WDR70: variants seen among roughly 807,000 people sequenced by gnomAD.
WDR70 encodes the protein WD repeat-containing protein 70.
In WDR70, 53 loss-of-function variants were observed where a neutral mutation model predicts 88.6. The observed-to-expected ratio is 0.60, with a 90% CI of 0.48 to 0.75. The LOEUF is 0.75. Among genes scored for constraint, WDR70 ranks in the 30% least tolerant of loss-of-function variants. The pLI is 0.00. For synonymous variants in WDR70, 280 were observed against 270.0 expected, an observed-to-expected ratio of 1.04 and a Z score of -0.36; for missense variants, 610 against 823.2, an observed-to-expected ratio of 0.74 and a Z score of 3.17.
chr5:37,619,264 C>T (rs1744436344), intron 10 of WDR70, among the ~76,000 whole-genome samples: 1 of 146,374 alleles, frequency 6.8e-6, no homozygotes, highest in Non-Finnish European at 1.5e-5. Flanking sequence ...GGAGTAAATG[C>T]TCCCTAATTC....
At chr5:37,745,619 A>G (rs951332853) in intron 17 of WDR70, among the ~76,000 whole-genome samples, 2 of 151,616 alleles carry the variant, frequency 1.3e-5, no homozygotes, top group Non-Finnish European at 2.9e-5. Flanking sequence ...AAAAAATGGG[A>G]GTTGCAATTC....
intron 5 of WDR70, among the ~76,000 whole-genome samples, chr5:37,420,661 C>A (rs1323093253): frequency 6.6e-6 from 1 of 152,100 alleles, no homozygotes; most frequent in African/African-American, 2.4e-5. Flanking sequence ...GAACTCATGG[C>A]TTTAAATGAT....
At chr5:37,537,369 G>GGGC (rs1485240123) in intron 9 of WDR70, among the ~76,000 whole-genome samples, 5 of 152,122 alleles carry the variant, frequency 3.3e-5, no homozygotes, top group African/African-American at 1.2e-4. Context: ...TGGGATCTGT[G>GGGC]GGCTTGTAAA....
At position 37,563,421 on chromosome 5, in the gene WDR70, G is replaced by C. The variant is rs1197518307; in HGVS notation, c.918-41643G>C. 3.2e-5 allele frequency among the ~76,000 whole-genome samples: 2 copies of C among 62,594 alleles called. 1 individual carries two copies. Among genetic ancestry groups the C allele is most frequent in the Non-Finnish European group, 7.5e-5 (2 of 26,732 alleles). The allele number at this position is 62,594 out of a possible 152,430, so 41.1% of individuals were successfully genotyped here. A position where few individuals can be genotyped will look rare whatever the true frequency, so the allele number is the denominator to read the frequency against. On this transcript the variant is annotated intron_variant, in intron 9 of 17. Transcript: ENST00000265107. Reference sequence around the variant, plus strand: ...CCTCCAGGATTGGGCGGCTGGCCGGGCGGGGGGCTGACCCCCCCACATCCT... The same window carrying C: ...CCTCCAGGATTGGGCGGCTGGCCGGCCGGGGGGCTGACCCCCCCACATCCT...
chr5:37,510,288 C>T (rs1217900003), intron 8 of WDR70, among the ~76,000 whole-genome samples: 2 of 152,196 alleles, frequency 1.3e-5, no homozygotes, highest in African/African-American at 4.8e-5. Flanking sequence ...CACAAACTAA[C>T]CCACCTTCCT....
chr5:37,660,519 G>T, intron 10 of WDR70, among the ~76,000 whole-genome samples: 1 of 144,992 alleles, frequency 6.9e-6, no homozygotes, highest in Non-Finnish European at 1.5e-5. Context: ...ATATTTTTTT[G>T]CTGAATTGAC....
At position 37,581,326 on chromosome 5, in the gene WDR70, G is replaced by A. The variant is rs370078880; in HGVS notation, c.918-23738G>A. Among the ~76,000 whole-genome samples, 9 of 152,144 alleles carry A rather than the reference G, an allele frequency of 5.9e-5. No homozygotes were observed. In the East Asian group the frequency reaches 1.5e-3, roughly 26 times the overall value. On this transcript the variant is annotated intron_variant, in intron 9 of 17. Transcript: ENST00000265107. Reference sequence around the variant, plus strand: ...TACTATGGGCAAGAGACTGTATTAAGTGCTTTGTGTATATTTCTCATCCAA... The same window carrying A: ...TACTATGGGCAAGAGACTGTATTAAATGCTTTGTGTATATTTCTCATCCAA...
intron 3 of WDR70, among the ~76,000 whole-genome samples, chr5:37,391,544 C>T (rs1332242838): frequency 6.6e-6 from 1 of 152,234 alleles, no homozygotes; most frequent in African/African-American, 2.4e-5. Flanking sequence ...TGGTCTGTCT[C>T]ACTTAGCATA....
chr5:37,425,889 G>C (rs138740580), intron 5 of WDR70, among the ~76,000 whole-genome samples: 1 of 152,270 alleles, frequency 6.6e-6, no homozygotes, highest in East Asian at 1.9e-4. Flanking sequence ...GCAGAGTTTG[G>C]AGGCTGAGTG....
intron 9 of WDR70, among the ~76,000 whole-genome samples, chr5:37,523,744 C>T (rs1247723529): frequency 2.6e-5 from 4 of 152,092 alleles, no homozygotes; most frequent in South Asian, 2.1e-4. Context: ...AAAGATTAGA[C>T]GAATGGCTAA....
chr5:37,498,971 C>T (rs185370125), intron 8 of WDR70, among the ~76,000 whole-genome samples: 3 of 152,218 alleles, frequency 2.0e-5, no homozygotes, highest in East Asian at 3.9e-4. Context: ...TGAGAGTTTC[C>T]GTTGCTCTGT....
intron 9 of WDR70, among the ~76,000 whole-genome samples, chr5:37,587,907 G>A (rs1490408630): frequency 6.6e-6 from 1 of 151,100 alleles, no homozygotes; most frequent in Non-Finnish European, 1.5e-5. Flanking sequence ...AGTCTCCCAA[G>A]TAGCTGGGAT....
At chr5:37,522,940 C>A (rs956195016) in intron 9 of WDR70, among the ~76,000 whole-genome samples, 1 of 152,224 alleles carries the variant, frequency 6.6e-6, no homozygotes, top group African/African-American at 2.4e-5. Context: ...GGAAGGGGCA[C>A]CCACCAATGC....
At chr5:37,456,059 C>T (rs1263677245) in intron 7 of WDR70, among the ~76,000 whole-genome samples, 2 of 152,014 alleles carry the variant, frequency 1.3e-5, no homozygotes. Flanking sequence ...TCTATAAATA[C>T]TCCGTACTGT....
chr5:37,623,787 G>A (rs970482216), intron 10 of WDR70, among the ~76,000 whole-genome samples: 1 of 152,124 alleles, frequency 6.6e-6, no homozygotes, highest in Non-Finnish European at 1.5e-5. Context: ...AAGATAAACT[G>A]TGTAAGTACA....
At position 37,499,587 on chromosome 5, in the gene WDR70, TTC is replaced by T. The variant is rs72226896; in HGVS notation, c.841-16886_841-16885del. On this transcript the variant is annotated intron_variant, in intron 8 of 17. Transcript: ENST00000265107. ...TTTTTAAATATGTGATTTGGAAATATTCTCTCTCTCTCTCTCTCTCTCTCTCT... is the reference window on the plus strand; with the variant it reads ...TTTTTAAATATGTGATTTGGAAATATTCTCTCTCTCTCTCTCTCTCTCTCT... Among the ~76,000 whole-genome samples the T allele has an allele frequency of 4.0e-3, 166 of 41,842 alleles. 1 individual carries two copies. Among genetic ancestry groups the T allele is most frequent in the African/African-American group, 9.1e-3 (155 of 16,996 alleles). 27.4% of individuals were successfully genotyped at this position (41,842 alleles called of 152,430 possible). A position where few individuals can be genotyped will look rare whatever the true frequency, so the allele number is the denominator to read the frequency against.
At chr5:37,718,639 G>T (rs903941807) in intron 13 of WDR70, among the ~76,000 whole-genome samples, 1 of 152,086 alleles carries the variant, frequency 6.6e-6, no homozygotes, top group Non-Finnish European at 1.5e-5. Context: ...ACATTTGTAG[G>T]ATACCTGAGT....
chr5:37,379,888 G>C (rs894891309), intron 2 of WDR70, among the ~76,000 whole-genome samples: 1 of 152,194 alleles, frequency 6.6e-6, no homozygotes, highest in African/African-American at 2.4e-5. Flanking sequence ...ATTTCTAAAA[G>C]AGAGTGTAGT....
At chr5:37,379,921 A>T (rs1748372659) in intron 2 of WDR70, among the ~76,000 whole-genome samples, 1 of 152,216 alleles carries the variant, frequency 6.6e-6, no homozygotes, top group South Asian at 2.1e-4. Context: ...ATAAATACTT[A>T]AAAAGCTGAA....
Sources: allele counts gnomAD v4.1 joint callset (sites outside exome capture counted in the v4.1 genomes callset), GRCh38; gene constraint gnomAD v4.1.1; transcripts MANE v1.5; gene names NCBI Gene and HGNC (gene_info 2026-07-23, HGNC 2026-07-21).